Variants in RAB38 observed in about 807,000 individuals in gnomAD.
RAB38 encodes RAB38, member RAS oncogene family, also known as ras-related protein Rab-38.
In RAB38, 15 loss-of-function variants were observed where a neutral mutation model predicts 18.4. The ratio of observed to expected loss-of-function variants is 0.82; its 90% confidence interval spans 0.55 to 1.26. The LOEUF (loss-of-function observed/expected upper bound fraction) is 1.26, where lower values mean the gene tolerates loss of function less well. Among genes scored for constraint, RAB38 ranks in the 50% most tolerant of loss-of-function variants. The pLI, the probability that RAB38 is intolerant of heterozygous loss-of-function variation, is 0.00. For missense variants in RAB38, 294 were observed against 267.4 expected, an observed-to-expected ratio of 1.10 and a Z score of -0.69; for synonymous variants, 101 against 104.4, an observed-to-expected ratio of 0.97 and a Z score of 0.20.
At chr11:87,822,349 G>A in the RAB38 span, among the ~76,000 whole-genome samples, 1 of 152,110 alleles carries the variant, frequency 6.6e-6, no homozygotes, top group African/African-American at 2.4e-5. Flanking sequence ...CATAAAAACT[G>A]CCCAAAAACG....
At position 88,114,008 on chromosome 11, in the gene RAB38, A is replaced by T; in HGVS notation, c.616T>A (p.Ser206Thr). Residue 206 changes from serine (S) to threonine (T), a missense_variant, in exon 3 of 3, where the codon TCT (serine) becomes ACT (threonine). By Grantham distance (58) the Ser-to-Thr change is moderately conservative. Coordinates refer to ENST00000243662, the MANE Select transcript of RAB38 (RefSeq NM_022337.3). ...GCCTACTAGGATTTGGCACAGCCAG[A>T]GCAGCTGGCAACCTTGGTTGATGTG... ...HLTSTKVASC[S>T]GCAKS 1 of 1,614,174 alleles carries T rather than the reference A, an allele frequency of 6.2e-7. No homozygotes were observed. Among genetic ancestry groups the T allele is most frequent in the Non-Finnish European group, 8.5e-7 (1 of 1,180,014 alleles).
the RAB38 span, among the ~76,000 whole-genome samples, chr11:87,883,155 C>A: frequency 1.3e-5 from 2 of 151,892 alleles, no homozygotes; most frequent in African/African-American, 2.4e-5. Flanking sequence ...CCACGCAGAG[C>A]AAATTTGATT....
In RAB38 at chr11:88,175,280, A is replaced by G. The variant is rs302646; in HGVS notation, c.105T>C (p.Ser35=). The G allele has an allele frequency of 0.84, 1,347,878 of 1,613,998 alleles. 565,365 individuals carry two copies. The highest frequency in any genetic ancestry group is 0.9 in the Middle Eastern group (5,462 of 6,060). Residue 35 remains serine (S), a synonymous_variant, in exon 1 of 3, where the codon TCT becomes TCC. Coordinates refer to ENST00000243662, the MANE Select transcript of RAB38 (RefSeq NM_022337.3). The part of the protein sequence containing the change: ...IIKRYVHQNF[S]SHYRATIGVD... ...CGCCGATTGTGGCCCGGTAGTGCGA[A>G]GAGAAGTTCTGGTGCACGTAGCGCT...
the RAB38 span, among the ~76,000 whole-genome samples, chr11:87,950,525 A>G: frequency 0.049 from 7,479 of 152,154 alleles, 626 homozygotes; most frequent in African/African-American, 0.17. Context: ...GGCTGGTACC[A>G]GTCGTTCCTT....
intron 1 of RAB38, among the ~76,000 whole-genome samples, chr11:88,161,997 T>G (rs768475886): frequency 6.6e-6 from 1 of 152,076 alleles, no homozygotes; most frequent in Non-Finnish European, 1.5e-5. Context: ...AATATGGACC[T>G]TGCACAATAA....
chr11:87,864,072 G>T, the RAB38 span, among the ~76,000 whole-genome samples: 36 of 151,588 alleles, frequency 2.4e-4, no homozygotes, highest in African/African-American at 8.7e-4. Flanking sequence ...CACAATACAT[G>T]TGGGCTTTGA....
chr11:88,053,136 AC>A, the RAB38 span, among the ~76,000 whole-genome samples: 2 of 131,326 alleles, frequency 1.5e-5, no homozygotes, highest in African/African-American at 5.7e-5. Context: ...TATTATATAT[AC>A]AATATATATG....
the RAB38 span, among the ~76,000 whole-genome samples, chr11:87,972,825 C>T: frequency 6.6e-6 from 1 of 151,968 alleles, no homozygotes; most frequent in African/African-American, 2.4e-5. Context: ...CCACTCAAAC[C>T]TCATGTCAAA....
chr11:88,014,642 G>A, the RAB38 span, among the ~76,000 whole-genome samples: 1 of 152,104 alleles, frequency 6.6e-6, no homozygotes, highest in Non-Finnish European at 1.5e-5. Flanking sequence ...TACCTACCCT[G>A]CTGGCAAGGC....
the RAB38 span, among the ~76,000 whole-genome samples, chr11:87,839,050 A>G: frequency 6.6e-6 from 1 of 152,198 alleles, no homozygotes; most frequent in African/African-American, 2.4e-5. Context: ...GTGTGCTACT[A>G]TCCATCGGAC....
chr11:87,860,350 TAAAC>T, the RAB38 span, among the ~76,000 whole-genome samples: 1 of 151,976 alleles, frequency 6.6e-6, no homozygotes, highest in African/African-American at 2.4e-5. Context: ...CCAAATAACA[TAAAC>T]AGAATGGCCC....
the RAB38 span, among the ~76,000 whole-genome samples, chr11:88,022,839 G>A: frequency 6.6e-6 from 1 of 152,046 alleles, no homozygotes; most frequent in East Asian, 1.9e-4. Context: ...TGTGAACAGT[G>A]CTGCAATGAA....
At chr11:87,908,372 T>G in the RAB38 span, among the ~76,000 whole-genome samples, 3 of 152,016 alleles carry the variant, frequency 2.0e-5, no homozygotes, top group African/African-American at 4.8e-5. Context: ...AAATTCAATC[T>G]CAGACCACAT....
chr11:88,110,245 T>C (rs1370766966), downstream of RAB38, among the ~76,000 whole-genome samples: 1 of 152,126 alleles, frequency 6.6e-6, no homozygotes, highest in Admixed American at 6.5e-5. Context: ...GAAACCATCA[T>C]TCTCAGCAAA....
the RAB38 span, among the ~76,000 whole-genome samples, chr11:88,018,257 GTTA>G: frequency 2.0e-5 from 3 of 152,088 alleles, no homozygotes; most frequent in Non-Finnish European, 2.9e-5. Flanking sequence ...TGCTAGACCT[GTTA>G]TTATCAAAAG....
At chr11:88,024,749 A>G in the RAB38 span, among the ~76,000 whole-genome samples, 1 of 152,222 alleles carries the variant, frequency 6.6e-6, no homozygotes, top group Non-Finnish European at 1.5e-5. Context: ...GGATGAAATA[A>G]ACCAGGCACA....
At chr11:88,104,295 G>A in the RAB38 span, among the ~76,000 whole-genome samples, 2 of 116,720 alleles carry the variant, frequency 1.7e-5, no homozygotes, top group African/African-American at 4.0e-5. Flanking sequence ...TACGTTAAAT[G>A]TCCCTTATTC....
chr11:87,977,462 ATT>A, the RAB38 span, among the ~76,000 whole-genome samples: 1 of 44,788 alleles, frequency 2.2e-5, no homozygotes, highest in East Asian at 5.0e-4. Context: ...ACATAATATA[ATT>A]ATATATTACA....
At chr11:87,856,341 A>G in the RAB38 span, among the ~76,000 whole-genome samples, 1 of 152,118 alleles carries the variant, frequency 6.6e-6, no homozygotes, top group Non-Finnish European at 1.5e-5. Flanking sequence ...TCTTTTTTTA[A>G]AGATGGAGGC....
Sources: gnomAD v4.1 joint callset for allele counts (sites outside exome capture counted in the v4.1 genomes callset) on GRCh38, gnomAD v4.1.1 for gene constraint, MANE v1.5 for transcripts, NCBI Gene and HGNC (gene_info 2026-07-23, HGNC 2026-07-21) for gene names.